The following DERA variants were observed in gnomAD, a reference collection of about 807,000 sequenced individuals.
DERA encodes deoxyribose-phosphate aldolase.
In DERA, 15 loss-of-function variants were observed where a neutral mutation model predicts 41.1. That is an observed-to-expected ratio of 0.37 (90% CI 0.24 to 0.56). The LOEUF (loss-of-function observed/expected upper bound fraction) is 0.56, where lower values mean the gene tolerates loss of function less well. Among genes scored for constraint, DERA ranks in the 20% least tolerant of loss-of-function variants. The pLI, the probability that DERA is intolerant of heterozygous loss-of-function variation, is 0.81. For missense variants in DERA, 396 were observed against 403.4 expected, an observed-to-expected ratio of 0.98 and a Z score of 0.16; for synonymous variants, 139 against 137.4, an observed-to-expected ratio of 1.01 and a Z score of -0.08.
In DERA at chr12:15,936,625, A is replaced by G. The variant is rs1269999272; in HGVS notation, c.32-20311A>G. Among the ~76,000 whole-genome samples, 1 of 152,228 alleles carries G rather than the reference A, an allele frequency of 6.6e-6. No individual in the cohort carries two copies. The highest frequency in any genetic ancestry group is 1.5e-5 in the Non-Finnish European group (1 of 68,032). ...ACTGAGACCATATTTAAATTTGTTC[A>G]GTTGTCCCCAAAATGTAATGTATTT... On this transcript the variant is annotated intron_variant, in intron 1 of 8. Coordinates refer to ENST00000428559, the MANE Select transcript of DERA (RefSeq NM_015954.4). This position sits in a 1 kb window ranked among gnomAD's most constrained non-coding sequence, Gnocchi z 4.6.
chr12:15,915,585 G>A lies in DERA; in HGVS notation c.31+4171G>A, dbSNP rs779057687. ...GCTAGGATTATAGGCATGAGCCACC[G>A]TGCATGGCCTAGAATGGCATCTTAA... On this transcript the variant is annotated intron_variant, in intron 1 of 8. Coordinates refer to ENST00000428559, the MANE Select transcript of DERA (RefSeq NM_015954.4). This position sits in a 1 kb window ranked among gnomAD's most constrained non-coding sequence, Gnocchi z 4.8. Among the ~76,000 whole-genome samples the A allele has an allele frequency of 6.6e-6, 1 of 152,144 alleles. No individual in the cohort carries two copies. The highest frequency in any genetic ancestry group is 1.5e-5 in the Non-Finnish European group (1 of 68,020).
At position 15,940,513 on chromosome 12, in the gene DERA, G is replaced by A. The variant is rs148989116; in HGVS notation, c.32-16423G>A. 3.8e-3 allele frequency among the ~76,000 whole-genome samples: 573 copies of A among 151,994 alleles called. 2 individuals carry two copies. Among genetic ancestry groups the A allele is most frequent in the African/African-American group, 0.013 (548 of 41,454 alleles). On this transcript the variant is annotated intron_variant, in intron 1 of 8. Coordinates refer to ENST00000428559, the MANE Select transcript of DERA (RefSeq NM_015954.4). This position sits in a 1 kb window ranked among gnomAD's most constrained non-coding sequence, Gnocchi z 5.1. ...ACTACAGGCGCATGCCACCACACCT[G>A]GCTGATTTTTTGTATTTGTAGTAGA...
At chr12:16,030,306 C>T (rs1949084129) in intron 6 of DERA, among the ~76,000 whole-genome samples, 5 of 152,008 alleles carry the variant, frequency 3.3e-5, no homozygotes, top group Admixed American at 2.6e-4. Context: ...CATTATTATA[C>T]CCAAAAGCCT....
chr12:15,997,770 A>G (rs1592042292), intron 6 of DERA, among the ~76,000 whole-genome samples: 1 of 152,344 alleles, frequency 6.6e-6, no homozygotes, highest in East Asian at 1.9e-4. Flanking sequence ...TTTCAAATTG[A>G]ACTTTTGCCT....
intron 5 of DERA, among the ~76,000 whole-genome samples, chr12:15,971,471 T>A (rs549673475): frequency 6.7e-6 from 1 of 149,690 alleles, no homozygotes; most frequent in South Asian, 2.1e-4. Flanking sequence ...GATGGGGAGT[T>A]TTTCGTCACT....
At chr12:15,932,774 T>C (rs942512921) in intron 1 of DERA, among the ~76,000 whole-genome samples, 1 of 152,240 alleles carries the variant, frequency 6.6e-6, no homozygotes. Flanking sequence ...GTTAACATAT[T>C]GTACAGTAGA....
Position 16,036,336 on chromosome 12 carries a change from C to G in DERA, c.855C>G (p.Leu285=), listed in dbSNP as rs775988703. ...GAGATGAGTGGCTGAAGCCAGAACTCTTTCGAATAGGTGCCAGTACTCTGC... is the reference window on the plus strand; with the variant it reads ...GAGATGAGTGGCTGAAGCCAGAACTGTTTCGAATAGGTGCCAGTACTCTGC... ...ELGDEWLKPE[L]FRIGASTLLS... The change falls in exon 8 of 9, where the codon CTC becomes CTG. Residue 285 remains leucine, a synonymous_variant. Coordinates refer to ENST00000428559, the MANE Select transcript of DERA (RefSeq NM_015954.4). The surrounding 1 kb of genome is among the most constrained non-coding windows in gnomAD (Gnocchi z 4.9). 1.2e-6 allele frequency: 2 copies of G among 1,613,488 alleles called. No homozygotes were observed. Among genetic ancestry groups the G allele is most frequent in the South Asian group, 2.2e-5 (2 of 91,004 alleles).
intron 5 of DERA, among the ~76,000 whole-genome samples, chr12:15,975,486 C>G (rs1474836819): frequency 6.6e-6 from 1 of 152,138 alleles, no homozygotes; most frequent in Non-Finnish European, 1.5e-5. Flanking sequence ...GACTCTTAAG[C>G]CGTAATTTCT....
rs1273980131 is a variant in DERA at position 16,004,669 on chromosome 12, C to G, written c.637+22233C>G. ...TATGCATGTATCCTTTGTACGATGA[C>G]AACAATGACAACAAATGACTTAGTG... On this transcript the variant is annotated intron_variant, in intron 6 of 8. Transcript: ENST00000428559. The surrounding 1 kb of genome is among the most constrained non-coding windows in gnomAD (Gnocchi z 4.2). 6.6e-6 allele frequency among the ~76,000 whole-genome samples: 1 copy of G among 152,096 alleles called. No individual in the cohort carries two copies. Among genetic ancestry groups the G allele is most frequent in the Non-Finnish European group, 1.5e-5 (1 of 68,010 alleles).
chr12:15,918,569 A>T lies in DERA; in HGVS notation c.31+7155A>T, dbSNP rs919981226. Among the ~76,000 whole-genome samples the T allele has an allele frequency of 2.0e-5, 3 of 152,132 alleles. No individual in the cohort carries two copies. The highest frequency in any genetic ancestry group is 4.4e-5 in the Non-Finnish European group (3 of 68,034). On this transcript the variant is annotated intron_variant, in intron 1 of 8. Coordinates refer to ENST00000428559, the MANE Select transcript of DERA (RefSeq NM_015954.4). This position sits in a 1 kb window ranked among gnomAD's most constrained non-coding sequence, Gnocchi z 4.3. ...GAATAATTTGTTTTTTTTAATTTTT[A>T]AAATGTAAATATATAAGAATATTTT...
chr12:16,003,547 G>C lies in DERA; in HGVS notation c.637+21111G>C, dbSNP rs544069734. Among the ~76,000 whole-genome samples the C allele has an allele frequency of 1.6e-4, 24 of 152,286 alleles. No homozygotes were observed. The highest frequency in any genetic ancestry group is 5.8e-4 in the African/African-American group (24 of 41,554). On this transcript the variant is annotated intron_variant, in intron 6 of 8. Coordinates refer to ENST00000428559, the MANE Select transcript of DERA (RefSeq NM_015954.4). The surrounding 1 kb of genome is among the most constrained non-coding windows in gnomAD (Gnocchi z 4.8). The stretch of plus-strand genomic sequence containing the variant: ...TTAGGTAAGAGAGAAACTGTGAGGG[G>C]TTAGGGTTTGGGTTAGAGAAGCCTA...
Position 16,026,943 on chromosome 12 carries a change from A to G in DERA, c.638-5599A>G, listed in dbSNP as rs1355992276. Among the ~76,000 whole-genome samples, 2 of 152,200 alleles carry G rather than the reference A, an allele frequency of 1.3e-5. No homozygotes were observed. The highest frequency in any genetic ancestry group is 1.3e-4 in the Admixed American group (2 of 15,270). On this transcript the variant is annotated intron_variant, in intron 6 of 8. Transcript: ENST00000428559. This position sits in a 1 kb window ranked among gnomAD's most constrained non-coding sequence, Gnocchi z 4.4. ...TAGCAAAATGAGTCCAACAATGTAT[A>G]AAACTAATTATATGCCACAACCAAG...
rs1239011441 is a variant in DERA, at chr12:15,989,874, C to G, written c.637+7438C>G. ...GTCAACTAAATGTTAGTAGTCTAAA[C>G]TGTAAGGATTATTGGTTTAATCTTG... On this transcript the variant is annotated intron_variant, in intron 6 of 8. Coordinates refer to ENST00000428559, the MANE Select transcript of DERA (RefSeq NM_015954.4). This position sits in a 1 kb window ranked among gnomAD's most constrained non-coding sequence, Gnocchi z 5.2. 6.6e-6 allele frequency among the ~76,000 whole-genome samples: 1 copy of G among 152,146 alleles called. No homozygotes were observed. Among genetic ancestry groups the G allele is most frequent in the Non-Finnish European group, 1.5e-5 (1 of 68,020 alleles).
chr12:15,943,609 GT>G lies in DERA; in HGVS notation c.32-13324del, dbSNP rs1948423944. On this transcript the variant is annotated intron_variant, in intron 1 of 8. Coordinates refer to ENST00000428559, the MANE Select transcript of DERA (RefSeq NM_015954.4). This position sits in a 1 kb window ranked among gnomAD's most constrained non-coding sequence, Gnocchi z 4.5. ...AGTACATGCCACACAGTACACACGG[GT>G]TTGAAACAGAACTTCCACGAATGAT... 6.6e-6 allele frequency among the ~76,000 whole-genome samples: 1 copy of G among 152,184 alleles called. No individual in the cohort carries two copies. Among genetic ancestry groups the G allele is most frequent in the Admixed American group, 6.5e-5 (1 of 15,284 alleles).
rs1948568209 is a variant in DERA at position 15,959,666 on chromosome 12, G to A, written c.278-163G>A. ...AATCCATATTGTCAAGAACTAGAAG[G>A]GAATGTGGAAAATAAAAATCTTTTA... On this transcript the variant is annotated intron_variant, in intron 3 of 8. Transcript: ENST00000428559. The surrounding 1 kb of genome is among the most constrained non-coding windows in gnomAD (Gnocchi z 4.5). Among the ~76,000 whole-genome samples, 1 of 152,104 alleles carries A rather than the reference G, an allele frequency of 6.6e-6. No individual in the cohort carries two copies. Among genetic ancestry groups the A allele is most frequent in the Non-Finnish European group, 1.5e-5 (1 of 68,020 alleles).
chr12:16,018,387 C>T (rs1948997946), intron 6 of DERA, among the ~76,000 whole-genome samples: 1 of 152,090 alleles, frequency 6.6e-6, no homozygotes, highest in South Asian at 2.1e-4. Context: ...AATTAAGACT[C>T]CCTGTAACGA....
Position 15,994,514 on chromosome 12 carries a change from C to T in DERA, c.637+12078C>T, listed in dbSNP as rs1025299040. 4.6e-5 allele frequency among the ~76,000 whole-genome samples: 7 copies of T among 152,168 alleles called. No homozygotes were observed. The highest frequency in any genetic ancestry group is 1.9e-4 in the East Asian group (1 of 5,192). On this transcript the variant is annotated intron_variant, in intron 6 of 8. Coordinates refer to ENST00000428559, the MANE Select transcript of DERA (RefSeq NM_015954.4). The surrounding 1 kb of genome is among the most constrained non-coding windows in gnomAD (Gnocchi z 4.8). ...TGTCGCCCAGGCTGGAGTGCAGTGG[C>T]GCGATCTCTGCTCACTGCAAGCTCT...
intron 1 of DERA, among the ~76,000 whole-genome samples, chr12:15,920,620 A>G (rs1948236164): frequency 1.3e-5 from 2 of 151,610 alleles, no homozygotes; most frequent in South Asian, 4.2e-4. Flanking sequence ...GGATCATGAG[A>G]TGAAGAGATT....
In DERA at chr12:15,982,958, C is replaced by T. The variant is rs1033618448; in HGVS notation, c.637+522C>T. On this transcript the variant is annotated intron_variant, in intron 6 of 8. Transcript: ENST00000428559. This position sits in a 1 kb window ranked among gnomAD's most constrained non-coding sequence, Gnocchi z 4.0. ...AGGTCTATCCATTTAGACATCCAAG[C>T]TTGCAGCCTAGGAGTCATGCTTGGT... 6.6e-6 allele frequency among the ~76,000 whole-genome samples: 1 copy of T among 152,200 alleles called. No individual in the cohort carries two copies. Among genetic ancestry groups the T allele is most frequent in the East Asian group, 1.9e-4 (1 of 5,194 alleles).
Sources: allele counts gnomAD v4.1 joint callset (sites outside exome capture counted in the v4.1 genomes callset), GRCh38; gene constraint gnomAD v4.1.1; non-coding constraint Gnocchi (gnomAD v3.1); transcripts MANE v1.5; gene names NCBI Gene and HGNC (gene_info 2026-07-23, HGNC 2026-07-21).